NRF1: variants seen among roughly 807,000 people sequenced by gnomAD.
NRF1 encodes nuclear respiratory factor 1.
In NRF1, 5 loss-of-function variants were observed where a neutral mutation model predicts 58.5. The observed-to-expected ratio is 0.09, with a 90% CI of 0.04 to 0.18. NRF1 has a LOEUF of 0.18. NRF1 is among the 10% of genes least tolerant of loss of function. The pLI, the probability that NRF1 is intolerant of heterozygous loss-of-function variation, is 1.00. For synonymous variants in NRF1, 224 were observed against 246.7 expected, an observed-to-expected ratio of 0.91 and a Z score of 0.86; for missense variants, 288 against 657.7, an observed-to-expected ratio of 0.44 and a Z score of 6.15.
intron 1 of NRF1, among the ~76,000 whole-genome samples, chr7:129,644,982 A>T (rs1001071249): frequency 6.6e-6 from 1 of 151,962 alleles, no homozygotes; most frequent in Non-Finnish European, 1.5e-5. Context: ...TAAGAACTCT[A>T]TGATAGAGGT....
chr7:129,623,209 A>C (rs968344253), intron 1 of NRF1, among the ~76,000 whole-genome samples: 2 of 152,174 alleles, frequency 1.3e-5, no homozygotes, highest in African/African-American at 4.8e-5. Context: ...CTGCCATGAT[A>C]CTTCCTGAGC....
At chr7:129,718,211 A>G (rs2116220652) in intron 9 of NRF1, among the ~76,000 whole-genome samples, 1 of 152,180 alleles carries the variant, frequency 6.6e-6, no homozygotes, top group South Asian at 2.1e-4. Flanking sequence ...TTTATTTTTA[A>G]TGGGCTCAGG....
chr7:129,693,889 G>A (rs1802626980), intron 5 of NRF1, among the ~76,000 whole-genome samples: 1 of 152,124 alleles, frequency 6.6e-6, no homozygotes, highest in Admixed American at 6.5e-5. Context: ...GTCACATTTG[G>A]TGTGTTAGGG....
intron 4 of NRF1, among the ~76,000 whole-genome samples, chr7:129,684,484 T>C (rs1727633316): frequency 6.6e-6 from 1 of 151,836 alleles, no homozygotes; most frequent in South Asian, 2.1e-4. Context: ...CTCAATAGAG[T>C]AATAAACATA....
rs112758770 is a variant in NRF1 at position 129,652,107 on chromosome 7, C to T, written c.-6-5239C>T. ...GGATTAGTTTAAGAGAGCAGTTACT[C>T]AGAGGAACAAAGGATTTTAGAATCA... is the stretch of plus-strand genomic sequence containing the variant. On this transcript the variant is annotated intron_variant, in intron 1 of 10. Transcript: ENST00000393232. Among the ~76,000 whole-genome samples the T allele has an allele frequency of 4.2e-3, 635 of 152,226 alleles. 3 individuals carry two copies. Among genetic ancestry groups the T allele is most frequent in the African/African-American group, 0.014 (602 of 41,536 alleles).
At chr7:129,732,880 G>C (rs1018064965) in intron 10 of NRF1, among the ~76,000 whole-genome samples, 2 of 152,136 alleles carry the variant, frequency 1.3e-5, no homozygotes, top group African/African-American at 4.8e-5. Flanking sequence ...AGACCAGCCT[G>C]GGCAACATGG....
intron 1 of NRF1, among the ~76,000 whole-genome samples, chr7:129,629,339 C>T (rs937052867): frequency 2.7e-5 from 4 of 147,048 alleles, no homozygotes; most frequent in Non-Finnish European, 6.0e-5. Context: ...AGTACAGTGG[C>T]GCAGTCTCAG....
At chr7:129,676,308 C>T (rs1447031671) in intron 3 of NRF1, among the ~76,000 whole-genome samples, 1 of 152,242 alleles carries the variant, frequency 6.6e-6, no homozygotes, top group African/African-American at 2.4e-5. Flanking sequence ...TTGGCATAAG[C>T]GGCCTTGCTG....
At chr7:129,700,644 G>A (rs1379059039) in intron 5 of NRF1, among the ~76,000 whole-genome samples, 2 of 152,236 alleles carry the variant, frequency 1.3e-5, no homozygotes, top group Non-Finnish European at 1.5e-5. Flanking sequence ...TGGGCCAGAT[G>A]TGGTGGCCCA....
At chr7:129,660,943 A>C (rs1051604451) in intron 2 of NRF1, among the ~76,000 whole-genome samples, 1 of 151,278 alleles carries the variant, frequency 6.6e-6, no homozygotes, top group Non-Finnish European at 1.5e-5. Flanking sequence ...CCGCCCCTGC[A>C]GCAAACTTCT....
At chr7:129,677,227 T>A (rs1236950775) in intron 3 of NRF1, among the ~76,000 whole-genome samples, 1 of 152,110 alleles carries the variant, frequency 6.6e-6, no homozygotes, top group Non-Finnish European at 1.5e-5. Flanking sequence ...TTGGCCAGGC[T>A]GGTCTCGAAC....
intron 2 of NRF1, among the ~76,000 whole-genome samples, chr7:129,665,792 T>C (rs756607317): frequency 3.7e-4 from 56 of 152,314 alleles, no homozygotes; most frequent in Non-Finnish European, 6.0e-4. Context: ...TTTTAAATTT[T>C]TGCAGACATG....
intron 1 of NRF1, among the ~76,000 whole-genome samples, chr7:129,628,281 T>G (rs1029882861): frequency 1.3e-5 from 2 of 151,498 alleles, no homozygotes; most frequent in African/African-American, 2.4e-5. Flanking sequence ...CCTGACCTCG[T>G]GATCTGCCCG....
intron 2 of NRF1, among the ~76,000 whole-genome samples, chr7:129,658,301 C>T (rs1428582131): frequency 1.3e-5 from 2 of 151,740 alleles, no homozygotes; most frequent in Admixed American, 1.3e-4. Context: ...TTTATCAATG[C>T]CTTATGTTGA....
rs187308691 is a variant in NRF1, at chr7:129,696,859, A to G, written c.606+6313A>G. ...GAGAAGGTTAGCATGATTTATTGGA[A>G]AGAATACTAACTCAGAGTGAGAAGA... is the stretch of plus-strand genomic sequence containing the variant. On this transcript the variant is annotated intron_variant, in intron 5 of 10. Transcript: ENST00000393232. Among the ~76,000 whole-genome samples the G allele has an allele frequency of 7.2e-5, 11 of 152,304 alleles. 1 individual carries two copies. The East Asian group carries it at 2.1e-3, about 29-fold the overall frequency.
intron 1 of NRF1, among the ~76,000 whole-genome samples, chr7:129,648,373 G>C (rs555616383): frequency 6.8e-6 from 1 of 148,050 alleles, no homozygotes; most frequent in South Asian, 2.2e-4. Context: ...TCCGCCTCCC[G>C]GGTTCACGCC....
At chr7:129,697,729 T>TTTTTTG (rs112573096) in intron 5 of NRF1, among the ~76,000 whole-genome samples, 51,426 of 150,368 alleles carry the variant, frequency 0.34, 9,246 homozygotes, top group Non-Finnish European at 0.41. Flanking sequence ...AACATTTACT[T>TTTTTTG]TTTTTGTTTT....
At chr7:129,749,738 C>T (rs1051339691) in intron 10 of NRF1, among the ~76,000 whole-genome samples, 3 of 152,068 alleles carry the variant, frequency 2.0e-5, no homozygotes, top group Admixed American at 2.0e-4. Flanking sequence ...GAAAAAGACT[C>T]CCAAATCAAA....
intron 1 of NRF1, among the ~76,000 whole-genome samples, chr7:129,635,653 G>A (rs1801154767): frequency 6.6e-6 from 1 of 152,244 alleles, no homozygotes; most frequent in African/African-American, 2.4e-5. Context: ...CTCTCCTGGG[G>A]TGGAATCTTT....
Sources: gnomAD v4.1 joint callset for allele counts (sites outside exome capture counted in the v4.1 genomes callset) on GRCh38, gnomAD v4.1.1 for gene constraint, MANE v1.5 for transcripts, NCBI Gene and HGNC (gene_info 2026-07-23, HGNC 2026-07-21) for gene names.